The following UBE2QL1 variants were observed in gnomAD, a reference collection of about 807,000 sequenced individuals.
UBE2QL1 encodes ubiquitin-conjugating enzyme E2Q-like protein 1.
Under a neutral mutation model 12.6 loss-of-function variants are expected in UBE2QL1, and 5 were observed. The ratio of observed to expected loss-of-function variants is 0.40; its 90% CI spans 0.21 to 0.83. The LOEUF is 0.83. Among genes scored for constraint, UBE2QL1 ranks in the 40% least tolerant of loss-of-function variants. The pLI, the probability that UBE2QL1 is intolerant of heterozygous loss-of-function variation, is 0.37. For missense variants in UBE2QL1, 99 were observed against 222.6 expected (o/e 0.44, Z 3.53); for synonymous variants, 96 against 94.5 (o/e 1.02, Z -0.10).
chr5:6,465,589 T>C (rs1385541765), intron 1 of UBE2QL1, among the ~76,000 whole-genome samples: 1 of 152,134 alleles, frequency 6.6e-6, no homozygotes, highest in East Asian at 1.9e-4. Context: ...TGGAGGGCGC[T>C]TTGCACCTCG....
At position 6,479,999 on chromosome 5, in the gene UBE2QL1, T is replaced by C. The variant is rs1014995846; in HGVS notation, c.355-11219T>C. On this transcript the variant is annotated intron_variant, in intron 1 of 1. Coordinates refer to ENST00000399816, the MANE Select transcript of UBE2QL1 (RefSeq NM_001145161.3). The surrounding 1 kb of genome is among the most constrained non-coding windows in gnomAD (Gnocchi z 4.2). ...CCAGGAGCTCCCTGTTGAGATGACA[T>C]TGAGAGAGACACAGGTAATTGGTGG... 5.9e-5 allele frequency among the ~76,000 whole-genome samples: 9 copies of C among 152,182 alleles called. No individual in the cohort carries two copies. Among genetic ancestry groups the C allele is most frequent in the African/African-American group, 2.2e-4 (9 of 41,442 alleles).
rs1216849406 is a variant in UBE2QL1 at position 6,463,974 on chromosome 5, A to AT, written c.354+14737dup. On this transcript the variant is annotated intron_variant, in intron 1 of 1. Coordinates refer to ENST00000399816, the MANE Select transcript of UBE2QL1 (RefSeq NM_001145161.3). ...TTTTTGTTTCAGATTATTCTAAGAG[A>AT]TTTTTTTTTTAATTTGAGACAGAGT... 5.6e-3 allele frequency among the ~76,000 whole-genome samples: 785 copies of AT among 139,190 alleles called. 4 individuals carry two copies. The highest frequency in any genetic ancestry group is 0.019 in the African/African-American group (728 of 37,510). 91.3% of individuals were successfully genotyped at this position (139,190 alleles called of 152,430 possible).
At chr5:6,490,932 T>C (rs1306077097) in intron 1 of UBE2QL1, among the ~76,000 whole-genome samples, 3 of 152,132 alleles carry the variant, frequency 2.0e-5, no homozygotes, top group Non-Finnish European at 4.4e-5. Flanking sequence ...TGCAGCACTG[T>C]GGAATGAGCA....
intron 1 of UBE2QL1, among the ~76,000 whole-genome samples, chr5:6,480,748 G>A (rs1222258128): frequency 1.3e-5 from 2 of 152,208 alleles, no homozygotes; most frequent in African/African-American, 4.8e-5. Context: ...GGAGGATTTT[G>A]TATAGTATTA....
rs190419603 is a variant in UBE2QL1, at chr5:6,470,426, T to C, written c.355-20792T>C. Among the ~76,000 whole-genome samples, 27 of 152,294 alleles carry C rather than the reference T, an allele frequency of 1.8e-4. No individual in the cohort carries two copies. In the South Asian group the frequency reaches 5.2e-3, roughly 29 times the overall value. On this transcript the variant is annotated intron_variant, in intron 1 of 1. Transcript: ENST00000399816. ...ATTTTTTTCTGATTATAGAAAATAGTACATGCTAAGGTAGAGAATGAAAAG... is the reference window on the plus strand; with the variant it reads ...ATTTTTTTCTGATTATAGAAAATAGCACATGCTAAGGTAGAGAATGAAAAG...
In UBE2QL1 at chr5:6,449,289, C is replaced by T. The variant is rs1178321045; in HGVS notation, c.354+42C>T. The T allele has an allele frequency of 5.2e-6, 7 of 1,348,176 alleles. No individual in the cohort carries two copies. In the East Asian group the frequency reaches 1.5e-4, roughly 30 times the overall value. The allele number at this position is 1,348,176 out of a possible 1,614,324, so 83.5% of individuals were successfully genotyped here. On this transcript the variant is annotated intron_variant, in intron 1 of 1. Transcript: ENST00000399816. Reference sequence around the variant, plus strand: ...GGGGCTGGGGGCGCGGGGCCGAGATCGGGTCTGCAGCGCCGCCGGGCGCCC... The same window carrying T: ...GGGGCTGGGGGCGCGGGGCCGAGATTGGGTCTGCAGCGCCGCCGGGCGCCC...
At chr5:6,463,484 C>T (rs1579290878) in intron 1 of UBE2QL1, among the ~76,000 whole-genome samples, 2 of 151,918 alleles carry the variant, frequency 1.3e-5, no homozygotes. Context: ...AGACTGCAAA[C>T]GCCCTTGATT....
chr5:6,456,288 G>C (rs185838419), intron 1 of UBE2QL1, among the ~76,000 whole-genome samples: 2 of 152,338 alleles, frequency 1.3e-5, no homozygotes. Context: ...TGGGTATATA[G>C]TGGGGACATG....
chr5:6,465,023 T>G (rs897111777), intron 1 of UBE2QL1, among the ~76,000 whole-genome samples: 5 of 151,754 alleles, frequency 3.3e-5, no homozygotes, highest in Non-Finnish European at 5.9e-5. Context: ...AGTCTCACTC[T>G]GCCAACCAGA....
At position 6,481,556 on chromosome 5, in the gene UBE2QL1, G is replaced by C. The variant is rs1266554518; in HGVS notation, c.355-9662G>C. Among the ~76,000 whole-genome samples, 1 of 152,174 alleles carries C rather than the reference G, an allele frequency of 6.6e-6. No homozygotes were observed. Among genetic ancestry groups the C allele is most frequent in the African/African-American group, 2.4e-5 (1 of 41,442 alleles). ...CCACCACTATACCCAGCAGCCTCCT[G>C]CCTGGATTTCTGTGCACACCTCAAA... On this transcript the variant is annotated intron_variant, in intron 1 of 1. Transcript: ENST00000399816. The surrounding 1 kb of genome is among the most constrained non-coding windows in gnomAD (Gnocchi z 4.5).
chr5:6,491,480 C>G lies in UBE2QL1; in HGVS notation c.*131C>G, dbSNP rs751770214. ...AACTGCATCCTGAATGCCCAGGAGA[C>G]GTTTAAGTTATTTATGAAAAGATGT... On this transcript the variant is annotated 3_prime_UTR_variant, in exon 2 of 2. Transcript: ENST00000399816. 114 of 1,237,660 alleles carry G rather than the reference C, an allele frequency of 9.2e-5. No individual in the cohort carries two copies. Among genetic ancestry groups the G allele is most frequent in the Non-Finnish European group, 1.2e-4 (110 of 930,298 alleles). The allele number at this position is 1,237,660 out of a possible 1,614,324, so 76.7% of individuals were successfully genotyped here. A position where few individuals can be genotyped will look rare whatever the true frequency, so the allele number is the denominator to read the frequency against.
chr5:6,450,452 A>C (rs1739392898), intron 1 of UBE2QL1, among the ~76,000 whole-genome samples: 1 of 152,176 alleles, frequency 6.6e-6, no homozygotes, highest in African/African-American at 2.4e-5. Context: ...GTTTTCCTGA[A>C]TCAATATTAA....
chr5:6,449,311 GC>G, intron 1 of UBE2QL1, 64 bp downstream of exon 1: 9 of 1,291,932 alleles, frequency 7.0e-6, no homozygotes, highest in Non-Finnish European at 8.8e-6. Flanking sequence ...GCCGCCGGGC[GC>G]CCGGGCCCCG....
intron 1 of UBE2QL1, among the ~76,000 whole-genome samples, chr5:6,477,038 G>A (rs1734248529): frequency 6.6e-6 from 1 of 152,124 alleles, no homozygotes; most frequent in Admixed American, 6.5e-5. Flanking sequence ...TCACATGAGG[G>A]TGCCCTGGGG....
chr5:6,488,339 G>A (rs527376612), intron 1 of UBE2QL1, among the ~76,000 whole-genome samples: 170 of 152,242 alleles, frequency 1.1e-3, no homozygotes, highest in African/African-American at 3.8e-3. Context: ...GAATAGTCCA[G>A]GATGACTGTG....
chr5:6,477,130 A>G (rs1489161375), intron 1 of UBE2QL1, among the ~76,000 whole-genome samples: 2 of 152,132 alleles, frequency 1.3e-5, no homozygotes, highest in African/African-American at 4.8e-5. Context: ...AGTGATCACC[A>G]TGACACTGTC....
At chr5:6,487,666 A>G (rs1734490798) in intron 1 of UBE2QL1, among the ~76,000 whole-genome samples, 1 of 152,252 alleles carries the variant, frequency 6.6e-6, no homozygotes, top group South Asian at 2.1e-4. Flanking sequence ...AAATGTTATG[A>G]GAATAAGAAA....
intron 1 of UBE2QL1, among the ~76,000 whole-genome samples, chr5:6,488,858 T>C (rs1734514472): frequency 6.6e-6 from 1 of 152,002 alleles, no homozygotes; most frequent in Admixed American, 6.6e-5. Flanking sequence ...ATGTGAAAGA[T>C]GTGTTTTCAT....
At chr5:6,461,534 G>GCCCC (rs1268566449) in intron 1 of UBE2QL1, among the ~76,000 whole-genome samples, 21 of 54,470 alleles carry the variant, frequency 3.9e-4, no homozygotes, top group African/African-American at 5.0e-4. Flanking sequence ...GTGTTTTTCA[G>GCCCC]CACCCACCAC....
Sources: gnomAD v4.1 joint callset for allele counts (sites outside exome capture counted in the v4.1 genomes callset) on GRCh38, gnomAD v4.1.1 for gene constraint, Gnocchi (gnomAD v3.1) non-coding constraint, MANE v1.5 for transcripts, NCBI Gene and HGNC (gene_info 2026-07-23, HGNC 2026-07-21) for gene names.